EXOSC5: variants seen among roughly 807,000 people sequenced by gnomAD.
EXOSC5 encodes exosome complex component RRP46.
A neutral mutation model predicts 23.7 loss-of-function variants in EXOSC5; 15 were observed. That is an observed-to-expected ratio of 0.63 (90% confidence interval 0.42 to 0.97). The LOEUF (loss-of-function observed/expected upper bound fraction) is 0.97, where lower values mean the gene tolerates loss of function less well. Ranked by LOEUF, EXOSC5 falls within the 50% of genes least tolerant of loss-of-function variation. EXOSC5 has a pLI of 0.00. For missense variants in EXOSC5, 305 were observed against 316.3 expected (o/e 0.96, Z 0.27); for synonymous variants, 143 against 140.9 (o/e 1.02, Z -0.11).
chr19:41,387,736 T>C, intron 4 of EXOSC5, 133 bp from the exon 5 acceptor site: 2 of 450,588 alleles, frequency 4.4e-6, no homozygotes, highest in Non-Finnish European at 7.4e-6. Context: ...GGCAGGGCAC[T>C]GCTTGAGGCC....
chr19:41,393,069 C>T lies in EXOSC5; in HGVS notation c.149-89G>A, dbSNP rs151115573. On this transcript the variant is annotated intron_variant, in intron 1 of 5. Coordinates refer to ENST00000221233, the MANE Select transcript of EXOSC5 (RefSeq NM_020158.4). ...ACTGAGCCTGACGGCCAGGGCTCCC[C>T]ACGTCACCCCCGCCATTTGTTGGTA... is the stretch of plus-strand genomic sequence containing the variant. The T allele has an allele frequency of 8.0e-4, 756 of 943,216 alleles. 14 individuals are homozygous for T. In the East Asian group the frequency reaches 0.014, roughly 18 times the overall value. 58.4% of individuals were successfully genotyped at this position (943,216 alleles called of 1,614,324 possible).
At chr19:41,391,368 A>G (rs1220994624) in intron 3 of EXOSC5, among the ~76,000 whole-genome samples, 2 of 152,206 alleles carry the variant, frequency 1.3e-5, no homozygotes, top group African/African-American at 2.4e-5. Flanking sequence ...GCCTGTCTCA[A>G]AAACAAACAA....
At chr19:41,387,372 A>G (rs185696360) in intron 5 of EXOSC5, 142 bp downstream of exon 5, 5 of 673,664 alleles carry the variant, frequency 7.4e-6, no homozygotes, top group South Asian at 5.3e-5. Flanking sequence ...CTGGGTCCAC[A>G]AAGTTTGAAA....
At chr19:41,396,506 G>A (rs2039065719) in intron 1 of EXOSC5, among the ~76,000 whole-genome samples, 1 of 152,052 alleles carries the variant, frequency 6.6e-6, no homozygotes, top group Admixed American at 6.6e-5. Context: ...CACCGCCCCC[G>A]GCCTCCCGTC....
Position 41,386,844 on chromosome 19 carries a change from C to A in EXOSC5, c.616-119G>T, listed in dbSNP as rs1046638441. The A allele has an allele frequency of 5.2e-6, 4 of 767,482 alleles. No homozygotes were observed. The African/African-American group carries it at 7.0e-5, about 13-fold the overall frequency. 47.5% of individuals were successfully genotyped at this position (767,482 alleles called of 1,614,324 possible). On this transcript the variant is annotated intron_variant, in intron 5 of 5. Coordinates refer to ENST00000221233, the MANE Select transcript of EXOSC5 (RefSeq NM_020158.4). The stretch of plus-strand genomic sequence containing the variant: ...CCCTTAACCTCCCATCACTCCCCTG[C>A]CCCCAAGTGAGGCAAGTGGTAAGGG...
Position 41,386,517 on chromosome 19 carries a change from C to G in EXOSC5, c.*116G>C, listed in dbSNP as rs572790157. ...CCACAGGAGCCCTGTGGTTACAGAG[C>G]TGCAGGCTCAAGGAGCCCATGGGTC... On this transcript the variant is annotated 3_prime_UTR_variant, in exon 6 of 6. Transcript: ENST00000221233. The G allele has an allele frequency of 4.3e-5, 44 of 1,012,518 alleles. No homozygotes were observed. The East Asian group carries it at 1.1e-3, about 26-fold the overall frequency. 62.7% of individuals were successfully genotyped at this position (1,012,518 alleles called of 1,614,324 possible).
At chr19:41,392,737 G>C in intron 2 of EXOSC5, 130 bp downstream of exon 2, 2 of 683,558 alleles carry the variant, frequency 2.9e-6, no homozygotes, top group South Asian at 3.4e-5. Flanking sequence ...GAGGCGGAGA[G>C]TTAAAGACAG....
chr19:41,387,575 AG>A lies in EXOSC5; in HGVS notation c.553del (p.Leu185TrpfsTer9). 6.2e-7 allele frequency: 1 copy of A among 1,606,058 alleles called. No homozygotes were observed. The highest frequency in any genetic ancestry group is 8.5e-7 in the Non-Finnish European group (1 of 1,176,802). On this transcript the variant is annotated frameshift_variant, in exon 5 of 6. Transcript: ENST00000221233. LOFTEE classifies it high-confidence loss of function. ...CAGCAGCTTCCGTTCCACGCTGTCC[AG>A]GGCAAAGGTCAGGACTGCCCGGGCC... ...KEARAVLTFA[L>X]DSVERKLLMS...
Position 41,397,315 on chromosome 19 carries a change from G to C in EXOSC5, c.14C>G (p.Thr5Arg), listed in dbSNP as rs10853751. 6.2e-7 allele frequency: 1 copy of C among 1,613,472 alleles called. No homozygotes were observed. The highest frequency in any genetic ancestry group is 8.5e-7 in the Non-Finnish European group (1 of 1,179,584). Residue 5 changes from threonine (T) to arginine (R), a missense_variant, in exon 1 of 6, where the codon ACG (threonine) becomes AGG (arginine). Physicochemically the swap from Thr to Arg is moderately conservative, Grantham distance 71. Transcript: ENST00000221233. ...AGCACGGATTTTGGCGTCAGTATGC[G>C]TCTCCTCCTCCATCGCGCCGAGCCC... MEEETHTDAKIRAEN... is the reference protein window; with the variant it reads MEEERHTDAKIRAEN...
chr19:41,388,827 G>C (rs867598363), intron 4 of EXOSC5, among the ~76,000 whole-genome samples: 4 of 152,324 alleles, frequency 2.6e-5, no homozygotes, highest in Middle Eastern at 3.4e-3. Flanking sequence ...TGGAAATGGA[G>C]CTTAAGGGGT....
chr19:41,387,693 C>T lies in EXOSC5; in HGVS notation c.526-90G>A, dbSNP rs573345947. ...AGTCCTTTGGCCAGGCACAGTGGCTCATGACCATAATCTCACCACTTTGGG... is the reference window on the plus strand; with the variant it reads ...AGTCCTTTGGCCAGGCACAGTGGCTTATGACCATAATCTCACCACTTTGGG... On this transcript the variant is annotated intron_variant, in intron 4 of 5. Coordinates refer to ENST00000221233, the MANE Select transcript of EXOSC5 (RefSeq NM_020158.4). 216 of 895,422 alleles carry T rather than the reference C, an allele frequency of 2.4e-4. 1 individual carries two copies. In the East Asian group the frequency reaches 6.1e-3, roughly 25 times the overall value. 55.5% of individuals were successfully genotyped at this position (895,422 alleles called of 1,614,324 possible). A position where few individuals can be genotyped will look rare whatever the true frequency, so the allele number is the denominator to read the frequency against.
In EXOSC5 at chr19:41,391,715, T is replaced by C. The variant is rs2039023514; in HGVS notation, c.384+126A>G. On this transcript the variant is annotated intron_variant, in intron 3 of 5. Transcript: ENST00000221233. ...AAGCACCCAGGCTGTTTGCTCTCCTTCTTCAGTGAGCTGGTACCTGTCAAG... is the reference window on the plus strand; with the variant it reads ...AAGCACCCAGGCTGTTTGCTCTCCTCCTTCAGTGAGCTGGTACCTGTCAAG... 4.6e-6 allele frequency: 6 copies of C among 1,315,244 alleles called. 1 individual carries two copies. In the Admixed American group the frequency reaches 9.0e-5, roughly 20 times the overall value. The allele number at this position is 1,315,244 out of a possible 1,614,324, so 81.5% of individuals were successfully genotyped here.
Position 41,391,866 on chromosome 19 carries a change from AGCACCACGGTGATGGAGGTGCGGGGGT to A in EXOSC5, c.332_358del (p.His111_Val119del). 1 of 1,538,960 alleles carries A rather than the reference AGCACCACGGTGATGGAGGTGCGGGGGT, an allele frequency of 6.5e-7. No individual in the cohort carries two copies. The highest frequency in any genetic ancestry group is 8.7e-7 in the Non-Finnish European group (1 of 1,151,246). ...AGAGCCGGCATCGCTGACAACCTGC[AGCACCACGGTGATGGAGGTGCGGGGGT>A]GCAACGTGCCCAGCACCACCGCCTC... On this transcript the variant is annotated inframe_deletion, in exon 3 of 6. Coordinates refer to ENST00000221233, the MANE Select transcript of EXOSC5 (RefSeq NM_020158.4).
chr19:41,387,949 C>G (rs1036549168), intron 4 of EXOSC5, among the ~76,000 whole-genome samples: 3 of 151,698 alleles, frequency 2.0e-5, no homozygotes, highest in Non-Finnish European at 4.4e-5. Flanking sequence ...CAGTGAGACC[C>G]TGTCTCAACG....
At chr19:41,393,075 A>C (rs1599941675) in intron 1 of EXOSC5, 95 bp from the exon 2 acceptor site, 7 of 884,422 alleles carry the variant, frequency 7.9e-6, no homozygotes, top group African/African-American at 1.7e-5. Flanking sequence ...TCCCCACGTC[A>C]CCCCCGCCAT....
chr19:41,386,837 T>C (rs1354019803), intron 5 of EXOSC5, 112 bp from the exon 6 acceptor site: 3 of 841,090 alleles, frequency 3.6e-6, no homozygotes, highest in Middle Eastern at 3.5e-4. Context: ...CTCCCATCAC[T>C]CCCCTGCCCC....
Position 41,386,615 on chromosome 19 carries a change from C to T in EXOSC5, c.*18G>A, listed in dbSNP as rs2038985902. 2 of 1,566,592 alleles carry T rather than the reference C, an allele frequency of 1.3e-6. No individual in the cohort carries two copies. Among genetic ancestry groups the T allele is most frequent in the Non-Finnish European group, 1.7e-6 (2 of 1,155,400 alleles). On this transcript the variant is annotated 3_prime_UTR_variant, in exon 6 of 6. Coordinates refer to ENST00000221233, the MANE Select transcript of EXOSC5 (RefSeq NM_020158.4). ...AGTGGGTGGAGGCAATGGGAGCGGC[C>T]CCTTGCCCCAGCTTGCCTCAGCTCT...
intron 3 of EXOSC5, among the ~76,000 whole-genome samples, chr19:41,390,312 T>C (rs1430075149): frequency 6.6e-6 from 1 of 152,100 alleles, no homozygotes; most frequent in Non-Finnish European, 1.5e-5. Flanking sequence ...ATGGCAGACA[T>C]CACTAATCGG....
intron 1 of EXOSC5, among the ~76,000 whole-genome samples, chr19:41,395,260 G>A (rs1308385996): frequency 6.6e-6 from 1 of 152,156 alleles, no homozygotes; most frequent in African/African-American, 2.4e-5. Flanking sequence ...TTACACGGAA[G>A]GTATGCTTAG....
Sources: gnomAD v4.1 joint callset for allele counts (sites outside exome capture counted in the v4.1 genomes callset) on GRCh38, gnomAD v4.1.1 for gene constraint, MANE v1.5 for transcripts, NCBI Gene and HGNC (gene_info 2026-07-23, HGNC 2026-07-21) for gene names.